DCDC1: variants seen among roughly 807,000 people sequenced by gnomAD.
The protein encoded by DCDC1 is doublecortin domain-containing protein 1.
In DCDC1, 200 loss-of-function variants were observed where a neutral mutation model predicts 178.3. The ratio of observed to expected loss-of-function variants is 1.12; its 90% CI spans 1.00 to 1.26. The LOEUF is 1.26. Among genes scored for constraint, DCDC1 ranks in the 50% most tolerant of loss-of-function variants. The probability of loss-of-function intolerance (pLI) is 0.00; values close to 1 mark genes in which losing one functional copy is unlikely to be tolerated. For synonymous variants in DCDC1, 690 were observed against 604.8 expected, an observed-to-expected ratio of 1.14 and a Z score of -2.07; for missense variants, 1,983 against 1,749.2, an observed-to-expected ratio of 1.13 and a Z score of -2.38.
At chr11:31,340,154 C>T (rs921762960) in intron 1 of DCDC1, among the ~76,000 whole-genome samples, 6 of 152,092 alleles carry the variant, frequency 3.9e-5, no homozygotes, top group African/African-American at 1.2e-4. Context: ...GGATGATACA[C>T]GGGGCCTTTT....
At chr11:31,046,921 C>CT (rs1954880221) in intron 20 of DCDC1, among the ~76,000 whole-genome samples, 1 of 152,132 alleles carries the variant, frequency 6.6e-6, no homozygotes, top group South Asian at 2.1e-4. Flanking sequence ...AAATCAGACT[C>CT]TTTCACCTTC....
At chr11:31,227,326 A>C (rs1036625691) in intron 9 of DCDC1, among the ~76,000 whole-genome samples, 1 of 152,118 alleles carries the variant, frequency 6.6e-6, no homozygotes, top group Non-Finnish European at 1.5e-5. Context: ...TCAAATGGTA[A>C]GAGGAGGAGC....
intron 34 of DCDC1, among the ~76,000 whole-genome samples, chr11:30,894,845 A>ATTT (rs1944076839): frequency 6.6e-6 from 1 of 152,164 alleles, no homozygotes; most frequent in Non-Finnish European, 1.5e-5. Flanking sequence ...AAGAGACAGG[A>ATTT]ATTTTTTTTT....
intron 20 of DCDC1, among the ~76,000 whole-genome samples, chr11:31,034,599 T>C (rs557036203): frequency 9.2e-4 from 140 of 152,336 alleles, no homozygotes; most frequent in South Asian, 6.2e-3. Context: ...CAGGATTCAG[T>C]ATATTAACAT....
At chr11:31,204,601 T>C (rs2136462143) in intron 9 of DCDC1, among the ~76,000 whole-genome samples, 1 of 152,286 alleles carries the variant, frequency 6.6e-6, no homozygotes, top group Admixed American at 6.5e-5. Context: ...GGCCCACAGA[T>C]GACTTGAGGT....
chr11:31,321,713 T>C (rs1949371089), intron 3 of DCDC1, among the ~76,000 whole-genome samples: 1 of 152,226 alleles, frequency 6.6e-6, no homozygotes, highest in African/African-American at 2.4e-5. Flanking sequence ...TTGTGTTCAC[T>C]CAGCTAATCT....
chr11:30,878,473 A>T, intron 38 of DCDC1, 71 bp downstream of exon 38: 6 of 1,287,212 alleles, frequency 4.7e-6, no homozygotes. Context: ...AGAGGGGGGA[A>T]CTGCATGAAA....
chr11:30,899,883 T>C (rs956882854), intron 33 of DCDC1, among the ~76,000 whole-genome samples: 1 of 152,122 alleles, frequency 6.6e-6, no homozygotes, highest in Non-Finnish European at 1.5e-5. Flanking sequence ...CCATATGCAA[T>C]AGCCATATTT....
Position 31,306,324 on chromosome 11 carries a change from G to C in DCDC1, c.499C>G (p.His167Asp). 6.2e-7 allele frequency: 1 copy of C among 1,610,340 alleles called. No homozygotes were observed. The highest frequency in any genetic ancestry group is 8.5e-7 in the Non-Finnish European group (1 of 1,178,120). Residue 167 changes from histidine to aspartate, a missense_variant, in exon 5 of 39, where the codon CAC becomes GAC. His to Asp is a moderately conservative substitution (Grantham distance 81). Transcript: ENST00000684477. ...ARNWQKLSQR[H>D]KLQPRVIKVT... ...TTAATCACTCTTGGTTGAAGTTTGT[G>C]TCTTTGAGACAATTTCTGCCAATTC...
intron 9 of DCDC1, among the ~76,000 whole-genome samples, chr11:31,206,570 C>T (rs1163265762): frequency 2.0e-5 from 3 of 152,096 alleles, no homozygotes; most frequent in Non-Finnish European, 4.4e-5. Flanking sequence ...TGCGCCACCA[C>T]GCCCTGCTAT....
chr11:31,224,551 A>G (rs1443612823), intron 9 of DCDC1, among the ~76,000 whole-genome samples: 1 of 152,168 alleles, frequency 6.6e-6, no homozygotes, highest in Non-Finnish European at 1.5e-5. Flanking sequence ...AAAAGAAACT[A>G]TCAGCAGAGT....
chr11:31,010,452 C>T (rs1952105802), intron 20 of DCDC1, among the ~76,000 whole-genome samples: 1 of 152,232 alleles, frequency 6.6e-6, no homozygotes, highest in African/African-American at 2.4e-5. Context: ...TAGCAGTTTG[C>T]CCCTTTAAGG....
chr11:31,204,972 T>C lies in DCDC1; in HGVS notation c.1221+36478A>G, dbSNP rs567172119. ...CATTTCCAGTCTATATAAAGTAGAGTTGGCATTGACAATACTCTCAGTAGG... is the reference window on the plus strand; with the variant it reads ...CATTTCCAGTCTATATAAAGTAGAGCTGGCATTGACAATACTCTCAGTAGG... On this transcript the variant is annotated intron_variant, in intron 9 of 38. Coordinates refer to ENST00000684477, the MANE Select transcript of DCDC1 (RefSeq NM_001387274.1). Among the ~76,000 whole-genome samples, 13 of 152,212 alleles carry C rather than the reference T, an allele frequency of 8.5e-5. 1 individual carries two copies. In the South Asian group the frequency reaches 2.7e-3, roughly 32 times the overall value.
intron 21 of DCDC1, 145 bp downstream of exon 21, chr11:30,952,300 G>T: frequency 1.6e-6 from 1 of 619,602 alleles, no homozygotes; most frequent in Non-Finnish European, 2.5e-6. Flanking sequence ...CTAATTAATT[G>T]ATAGAACAAC....
chr11:31,317,890 C>CT (rs1248172901), intron 3 of DCDC1, among the ~76,000 whole-genome samples: 145 of 46,344 alleles, frequency 3.1e-3, no homozygotes, highest in Non-Finnish European at 4.3e-3. Context: ...TTGTCAAAGG[C>CT]TTTTTTTGCA....
At chr11:31,181,134 C>G (rs1282913218) in intron 9 of DCDC1, among the ~76,000 whole-genome samples, 2 of 152,212 alleles carry the variant, frequency 1.3e-5, no homozygotes, top group African/African-American at 4.8e-5. Flanking sequence ...TGCAGCTCAG[C>G]AAAGCCACGG....
chr11:30,979,287 T>C (rs1307503506), intron 20 of DCDC1, among the ~76,000 whole-genome samples: 1 of 152,182 alleles, frequency 6.6e-6, no homozygotes, highest in Non-Finnish European at 1.5e-5. Flanking sequence ...GAAGCCTGCT[T>C]GCACTCTGCA....
intron 6 of DCDC1, among the ~76,000 whole-genome samples, chr11:31,302,126 A>G (rs16922055): frequency 0.031 from 4,788 of 152,202 alleles, 244 homozygotes; most frequent in African/African-American, 0.11. Context: ...GACAATCAGA[A>G]CTCCATACAA....
At chr11:31,040,290 T>C (rs145029615) in intron 20 of DCDC1, among the ~76,000 whole-genome samples, 1 of 152,334 alleles carries the variant, frequency 6.6e-6, no homozygotes, top group East Asian at 1.9e-4. Flanking sequence ...ATTACATATA[T>C]TTGTGTTTTT....
Sources: gnomAD v4.1 joint callset for allele counts (sites outside exome capture counted in the v4.1 genomes callset) on GRCh38, gnomAD v4.1.1 for gene constraint, MANE v1.5 for transcripts, NCBI Gene and HGNC (gene_info 2026-07-23, HGNC 2026-07-21) for gene names.